Variants in HYCC2 observed in about 807,000 individuals in gnomAD.
HYCC2 encodes hyccin 2.
the HYCC2 span, among the ~76,000 whole-genome samples, chr2:201,070,581 G>A: frequency 1.3e-5 from 2 of 152,066 alleles, no homozygotes; most frequent in African/African-American, 4.8e-5. Flanking sequence ...GAACCCGGGA[G>A]GCGAAGGTTG....
At chr2:201,042,694 G>C in the HYCC2 span, among the ~76,000 whole-genome samples, 1 of 151,274 alleles carries the variant, frequency 6.6e-6, no homozygotes, top group Non-Finnish European at 1.5e-5. Flanking sequence ...CCCAGTCCGG[G>C]AGCTGGGGGG....
the HYCC2 span, among the ~76,000 whole-genome samples, chr2:201,039,559 A>T: frequency 6.6e-6 from 1 of 152,166 alleles, no homozygotes; most frequent in Non-Finnish European, 1.5e-5. Context: ...ATGATTTGGC[A>T]ATTTTGTTGT....
chr2:201,048,576 T>C, the HYCC2 span, among the ~76,000 whole-genome samples: 162 of 151,774 alleles, frequency 1.1e-3, 6 homozygotes, highest in Admixed American at 3.0e-3. Context: ...CCAAGACAAT[T>C]CTTCTGCTTC....
chr2:201,062,956 T>C, the HYCC2 span: 2 of 1,092,816 alleles, frequency 1.8e-6, no homozygotes, highest in Non-Finnish European at 2.7e-6. Flanking sequence ...CTACTACTGC[T>C]GCTGCTGCTG....
the HYCC2 span, among the ~76,000 whole-genome samples, chr2:201,041,867 G>A: frequency 6.6e-6 from 1 of 152,136 alleles, no homozygotes; most frequent in Non-Finnish European, 1.5e-5. Flanking sequence ...TTCCTACAAT[G>A]ATTAGTTATT....
At chr2:201,005,983 G>A in the HYCC2 span, among the ~76,000 whole-genome samples, 3 of 151,062 alleles carry the variant, frequency 2.0e-5, no homozygotes, top group East Asian at 2.0e-4. Context: ...ACAGGCATGC[G>A]CCACCACGCC....
chr2:201,003,805 C>CTTTTTTTTT, the HYCC2 span, among the ~76,000 whole-genome samples: 2 of 66,360 alleles, frequency 3.0e-5, no homozygotes, highest in Non-Finnish European at 5.2e-5. Flanking sequence ...GTTGTTGTTG[C>CTTTTTTTTT]TTTTTTTTTT....
At chr2:201,002,067 A>T in the HYCC2 span, among the ~76,000 whole-genome samples, 2 of 151,992 alleles carry the variant, frequency 1.3e-5, no homozygotes, top group African/African-American at 2.4e-5. Flanking sequence ...AACATGAAAA[A>T]CCAGTGTCAA....
At chr2:200,998,229 C>T in the HYCC2 span, among the ~76,000 whole-genome samples, 1 of 152,190 alleles carries the variant, frequency 6.6e-6, no homozygotes, top group Admixed American at 6.5e-5. Flanking sequence ...CATTACCAAC[C>T]ACATATACCA....
At chr2:200,997,044 G>A in the HYCC2 span, 1 of 155,562 alleles carries the variant, frequency 6.4e-6, no homozygotes, top group Non-Finnish European at 1.4e-5. Flanking sequence ...TGGCAAGAAT[G>A]CTTGAGGCCA....
At chr2:201,000,330 A>C in the HYCC2 span, among the ~76,000 whole-genome samples, 1 of 147,724 alleles carries the variant, frequency 6.8e-6, no homozygotes, top group Admixed American at 6.7e-5. Flanking sequence ...TGCAGGCTGC[A>C]GTAAGCCATG....
At chr2:201,051,003 A>C in the HYCC2 span, among the ~76,000 whole-genome samples, 2 of 152,210 alleles carry the variant, frequency 1.3e-5, no homozygotes, top group Non-Finnish European at 1.5e-5. Context: ...ATTACAAGGA[A>C]GGAAAATCAC....
chr2:201,060,060 G>GC, the HYCC2 span, among the ~76,000 whole-genome samples: 1 of 145,140 alleles, frequency 6.9e-6, no homozygotes, highest in Non-Finnish European at 1.5e-5. Context: ...AAAGCGGGGG[G>GC]GGGGGGGTTC....
At chr2:201,001,378 T>C in the HYCC2 span, among the ~76,000 whole-genome samples, 1 of 152,126 alleles carries the variant, frequency 6.6e-6, no homozygotes, top group East Asian at 1.9e-4. Context: ...GCAGCCCAAA[T>C]AGACTAAAGA....
chr2:201,060,872 G>C, the HYCC2 span, among the ~76,000 whole-genome samples: 1 of 152,078 alleles, frequency 6.6e-6, no homozygotes, highest in East Asian at 1.9e-4. Context: ...ACTGAAAAAA[G>C]AGATTCTACT....
chr2:201,029,721 T>C, the HYCC2 span, among the ~76,000 whole-genome samples: 704 of 152,142 alleles, frequency 4.6e-3, 2 homozygotes, highest in Admixed American at 7.2e-3. Context: ...TAGGTGGGAA[T>C]TGAACAATGA....
the HYCC2 span, chr2:201,023,819 G>A: frequency 1.7e-6 from 1 of 585,820 alleles, no homozygotes; most frequent in South Asian, 2.6e-5. Context: ...ACGTTATTTT[G>A]TATTTTGCCA....
chr2:201,059,739 G>A, the HYCC2 span, among the ~76,000 whole-genome samples: 1 of 152,064 alleles, frequency 6.6e-6, no homozygotes, highest in African/African-American at 2.4e-5. Context: ...AAAGACCTGT[G>A]TGCAGGTTGA....
the HYCC2 span, among the ~76,000 whole-genome samples, chr2:201,028,354 G>A: frequency 6.6e-6 from 1 of 152,120 alleles, no homozygotes; most frequent in African/African-American, 2.4e-5. Context: ...TCATGGACAG[G>A]AAGAGTCAAT....
Sources: allele counts gnomAD v4.1 joint callset (sites outside exome capture counted in the v4.1 genomes callset), GRCh38; gene constraint gnomAD v4.1.1; transcripts MANE v1.5; gene names NCBI Gene and HGNC (gene_info 2026-07-23, HGNC 2026-07-21).